Variants in RIMS2 observed in about 807,000 individuals in gnomAD.
The protein encoded by RIMS2 is regulating synaptic membrane exocytosis protein 2.
Under a neutral mutation model 174.4 loss-of-function variants are expected in RIMS2, and 59 were observed. The observed-to-expected ratio is 0.34, with a 90% confidence interval of 0.27 to 0.42. The LOEUF is 0.42. Ranked by LOEUF, RIMS2 falls within the 10% of genes least tolerant of loss-of-function variation. The pLI, the probability that RIMS2 is intolerant of heterozygous loss-of-function variation, is 1.00. For missense variants in RIMS2, 1,620 were observed against 1,666.3 expected (o/e 0.97, Z 0.48); for synonymous variants, 606 against 572.5 (o/e 1.06, Z -0.84).
chr8:104,144,911 G>C (rs2098620217), intron 19 of RIMS2, among the ~76,000 whole-genome samples: 1 of 152,048 alleles, frequency 6.6e-6, no homozygotes, highest in African/African-American at 2.4e-5. Context: ...TAGTAGTAGG[G>C]TAATTCCATA....
intron 15 of RIMS2, among the ~76,000 whole-genome samples, chr8:103,974,698 C>T (rs192684764): frequency 1.3e-5 from 2 of 152,162 alleles, no homozygotes; most frequent in East Asian, 1.9e-4. Context: ...TTTTTATTCT[C>T]AGAATTCTAC....
chr8:103,661,284 T>G (rs1157926726), intron 1 of RIMS2, among the ~76,000 whole-genome samples: 2 of 152,204 alleles, frequency 1.3e-5, no homozygotes, highest in Admixed American at 6.5e-5. Context: ...ACTATTGATG[T>G]GCGTTTGAGT....
At chr8:103,870,116 G>A (rs1302572314) in intron 3 of RIMS2, among the ~76,000 whole-genome samples, 1 of 144,958 alleles carries the variant, frequency 6.9e-6, no homozygotes. Context: ...GCTAACAGCC[G>A]ATAGCTATAA....
chr8:103,500,831 C>G (rs1218448577), exon 1 of RIMS2: 3 of 1,236,326 alleles, frequency 2.4e-6, no homozygotes, highest in African/African-American at 1.6e-5. Context: ...GCCGGTGCCG[C>G]CGCTGCCAGT....
chr8:103,794,357 T>C (rs749793443), intron 3 of RIMS2, among the ~76,000 whole-genome samples: 19 of 152,148 alleles, frequency 1.2e-4, no homozygotes, highest in Non-Finnish European at 2.5e-4. Context: ...TAATCAATGG[T>C]GCTGGGAAAA....
intron 13 of RIMS2, among the ~76,000 whole-genome samples, chr8:103,939,600 T>C (rs1017142658): frequency 2.0e-5 from 3 of 152,258 alleles, no homozygotes; most frequent in African/African-American, 7.2e-5. Flanking sequence ...TCATTACTTA[T>C]GCAAATTTCT....
At chr8:104,165,016 A>G (rs528933180) in intron 19 of RIMS2, among the ~76,000 whole-genome samples, 18 of 152,340 alleles carry the variant, frequency 1.2e-4, no homozygotes, top group Non-Finnish European at 2.4e-4. Context: ...ATATGACTAT[A>G]TGTTTGAAAG....
Position 103,813,549 on chromosome 8 carries a change from C to T in RIMS2, c.698+47012C>T, listed in dbSNP as rs1331238948. ...GTGTATCTCCTAATGCTATCTCTCC[C>T]GCCTCTCCCACCCCACGACAGGCCC... On this transcript the variant is annotated intron_variant, in intron 3 of 23. Coordinates refer to ENST00000504942, the Ensembl canonical transcript of RIMS2. 5.9e-5 allele frequency among the ~76,000 whole-genome samples: 9 copies of T among 152,232 alleles called. No individual in the cohort carries two copies. In the East Asian group the frequency reaches 7.7e-4, roughly 13 times the overall value.
At chr8:103,739,291 A>G (rs1352039567) in intron 2 of RIMS2, among the ~76,000 whole-genome samples, 1 of 152,166 alleles carries the variant, frequency 6.6e-6, no homozygotes, top group African/African-American at 2.4e-5. Flanking sequence ...AAAAACCCAA[A>G]CACCGCATGT....
chr8:103,735,062 A>G (rs951338185), intron 2 of RIMS2, among the ~76,000 whole-genome samples: 12 of 152,150 alleles, frequency 7.9e-5, no homozygotes, highest in African/African-American at 2.4e-4. Context: ...ACCAACCCAC[A>G]CTCAGTCTTT....
intron 1 of RIMS2, among the ~76,000 whole-genome samples, chr8:103,512,118 G>A (rs1451019430): frequency 6.6e-6 from 1 of 152,196 alleles, no homozygotes; most frequent in Non-Finnish European, 1.5e-5. Context: ...AACTTGCTAA[G>A]AGGTTGAGTA....
chr8:104,220,476 C>T (rs1240528684), intron 19 of RIMS2, among the ~76,000 whole-genome samples: 1 of 152,288 alleles, frequency 6.6e-6, no homozygotes, highest in East Asian at 1.9e-4. Flanking sequence ...ACTCCCCATC[C>T]CCAGCAGTCA....
At chr8:104,127,107 C>A (rs1355322622) in intron 19 of RIMS2, among the ~76,000 whole-genome samples, 2 of 152,052 alleles carry the variant, frequency 1.3e-5, no homozygotes, top group Admixed American at 1.3e-4. Flanking sequence ...ATAAATAATA[C>A]CCTGCTTTTA....
At chr8:103,746,282 A>G (rs779987407) in intron 2 of RIMS2, among the ~76,000 whole-genome samples, 1 of 151,658 alleles carries the variant, frequency 6.6e-6, no homozygotes, top group Non-Finnish European at 1.5e-5. Context: ...TGAACTCTCA[A>G]TTCTATTCCC....
chr8:103,916,794 T>G (rs1381252872), intron 8 of RIMS2, among the ~76,000 whole-genome samples: 1 of 152,116 alleles, frequency 6.6e-6, no homozygotes, highest in Non-Finnish European at 1.5e-5. Context: ...TTGTAACACT[T>G]TAGAAGGTGG....
intron 3 of RIMS2, among the ~76,000 whole-genome samples, chr8:103,878,606 C>T (rs1252609818): frequency 6.6e-6 from 1 of 151,652 alleles, no homozygotes; most frequent in East Asian, 1.9e-4. Flanking sequence ...GTAGGATTCC[C>T]TCCTTAATCT....
intron 19 of RIMS2, among the ~76,000 whole-genome samples, chr8:104,084,387 G>T (rs929893341): frequency 7.1e-6 from 1 of 141,840 alleles, no homozygotes; most frequent in South Asian, 2.3e-4. Context: ...GCAGTGAGTC[G>T]AGATCGCGCC....
chr8:103,968,790 C>G (rs2092479029), intron 15 of RIMS2, among the ~76,000 whole-genome samples: 1 of 152,044 alleles, frequency 6.6e-6, no homozygotes, highest in Non-Finnish European at 1.5e-5. Flanking sequence ...TTCATTTATT[C>G]CTTTTTCAAT....
chr8:103,847,379 G>C (rs943527448), intron 3 of RIMS2, among the ~76,000 whole-genome samples: 1 of 152,104 alleles, frequency 6.6e-6, no homozygotes, highest in African/African-American at 2.4e-5. Flanking sequence ...CACAGTCTTA[G>C]CTACATGTTT....
Sources: gnomAD v4.1 joint callset for allele counts (sites outside exome capture counted in the v4.1 genomes callset) on GRCh38, gnomAD v4.1.1 for gene constraint, MANE v1.5 for transcripts, NCBI Gene and HGNC (gene_info 2026-07-23, HGNC 2026-07-21) for gene names.